Variants in GHR observed in about 807,000 individuals in gnomAD.
GHR encodes growth hormone receptor.
Under a neutral mutation model 67.1 loss-of-function variants are expected in GHR, and 35 were observed. That is an observed-to-expected ratio of 0.52 (90% confidence interval 0.40 to 0.69). GHR has a LOEUF of 0.69. Ranked by LOEUF, GHR falls within the 30% of genes least tolerant of loss-of-function variation. The probability of loss-of-function intolerance (pLI) is 0.00; values close to 1 mark genes in which losing one functional copy is unlikely to be tolerated. For missense variants in GHR, 792 were observed against 764.6 expected, an observed-to-expected ratio of 1.04 and a Z score of -0.42; for synonymous variants, 272 against 269.1, an observed-to-expected ratio of 1.01 and a Z score of -0.10.
intron 3 of GHR, among the ~76,000 whole-genome samples, chr5:42,649,262 A>C (rs1414263069): frequency 6.6e-6 from 1 of 152,228 alleles, no homozygotes; most frequent in Non-Finnish European, 1.5e-5. Flanking sequence ...CAGCTCTAAA[A>C]ATATGCAGTG....
At chr5:42,624,335 C>T (rs1753596848) in intron 2 of GHR, among the ~76,000 whole-genome samples, 2 of 152,156 alleles carry the variant, frequency 1.3e-5, no homozygotes, top group African/African-American at 4.8e-5. Context: ...TCCATTTCTG[C>T]CATCGTGGAA....
chr5:42,467,278 GT>G, intron 1 of GHR: 1 of 1,227,256 alleles, frequency 8.1e-7, no homozygotes, highest in Non-Finnish European at 1.2e-6. Context: ...ACAACTAAAG[GT>G]TTTCCCAAAC....
intron 1 of GHR, among the ~76,000 whole-genome samples, chr5:42,442,597 C>T (rs1165483257): frequency 6.6e-6 from 1 of 152,116 alleles, no homozygotes; most frequent in Non-Finnish European, 1.5e-5. Flanking sequence ...GTTGATTAAA[C>T]AAGACAGAAG....
rs138386131 is a variant in GHR at position 42,583,878 on chromosome 5, G to GATATATATATATATATATAT, written c.70+17953_70+17954insTATATATATATATATATATA. 4.3e-5 allele frequency among the ~76,000 whole-genome samples: 6 copies of GATATATATATATATATATAT among 138,974 alleles called. No individual in the cohort carries two copies. The South Asian group carries it at 1.1e-3, about 26-fold the overall frequency. The allele number at this position is 138,974 out of a possible 152,430, so 91.2% of individuals were successfully genotyped here. A position where few individuals can be genotyped will look rare whatever the true frequency, so the allele number is the denominator to read the frequency against. ...AAAGATATATATATCTTTAAATAAA[G>GATATATATATATATATATAT]ATATATATATATATATATAAATTCT... On this transcript the variant is annotated intron_variant, in intron 2 of 9. Transcript: ENST00000230882.
chr5:42,679,927 CT>C (rs1756773219), intron 3 of GHR, among the ~76,000 whole-genome samples: 1 of 152,194 alleles, frequency 6.6e-6, no homozygotes, highest in African/African-American at 2.4e-5. Context: ...GCAGTAACTT[CT>C]TTCACTCATG....
intron 2 of GHR, among the ~76,000 whole-genome samples, chr5:42,615,089 C>T (rs1195809633): frequency 1.3e-5 from 2 of 151,872 alleles, no homozygotes; most frequent in Non-Finnish European, 2.9e-5. Flanking sequence ...TAGAGAAGTA[C>T]AATAATGTGG....
intron 1 of GHR, among the ~76,000 whole-genome samples, chr5:42,538,917 G>A (rs1330961452): frequency 6.6e-6 from 1 of 152,028 alleles, no homozygotes; most frequent in East Asian, 1.9e-4. Flanking sequence ...TTAATTCAAA[G>A]ACCTTGTCTT....
Position 42,646,421 on chromosome 5 carries a change from G to T in GHR, c.136+17318G>T, listed in dbSNP as rs552364063. 6.5e-4 allele frequency: 280 copies of T among 433,742 alleles called. 4 individuals carry two copies. The highest frequency in any genetic ancestry group is 2.2e-3 in the South Asian group (129 of 58,702). 26.9% of individuals were successfully genotyped at this position (433,742 alleles called of 1,614,324 possible). A position where few individuals can be genotyped will look rare whatever the true frequency, so the allele number is the denominator to read the frequency against. ...TTGGCATGAAAACTAATACGGGTTA[G>T]TGTACATCACCCATAATAAAAGTAA... On this transcript the variant is annotated intron_variant, in intron 3 of 9. Transcript: ENST00000230882.
chr5:42,608,928 GTTGT>G (rs1437007509), intron 2 of GHR, among the ~76,000 whole-genome samples: 1 of 152,002 alleles, frequency 6.6e-6, no homozygotes. Flanking sequence ...TAGCTCTTGA[GTTGT>G]TTATTTTAAC....
At chr5:42,527,752 A>G (rs1473203487) in intron 1 of GHR, among the ~76,000 whole-genome samples, 1 of 152,172 alleles carries the variant, frequency 6.6e-6, no homozygotes, top group Non-Finnish European at 1.5e-5. Flanking sequence ...AACAAAATAT[A>G]CATTCTTCTC....
At chr5:42,500,207 A>G (rs1746483282) in intron 1 of GHR, among the ~76,000 whole-genome samples, 1 of 152,232 alleles carries the variant, frequency 6.6e-6, no homozygotes, top group African/African-American at 2.4e-5. Flanking sequence ...ACTTTGTGCC[A>G]GACACAAGCT....
chr5:42,664,380 T>C (rs2112877151), intron 3 of GHR, among the ~76,000 whole-genome samples: 1 of 152,336 alleles, frequency 6.6e-6, no homozygotes, highest in East Asian at 1.9e-4. Context: ...AGCATGGTAC[T>C]GGTACCAAAG....
In GHR at chr5:42,458,214, C is replaced by A. The variant is rs892148188; in HGVS notation, c.-12+34259C>A. On this transcript the variant is annotated intron_variant, in intron 1 of 9. Coordinates refer to ENST00000230882, the MANE Select transcript of GHR (RefSeq NM_000163.5). ...ACTGAGGCTGAAAGTTGATTTCATT[C>A]TCTCACTTCAAATCATACTACAAGG... 1.6e-4 allele frequency among the ~76,000 whole-genome samples: 25 copies of A among 151,984 alleles called. No homozygotes were observed. In the East Asian group the frequency reaches 2.3e-3, roughly 14 times the overall value.
chr5:42,705,801 A>G (rs1052931286), intron 6 of GHR, among the ~76,000 whole-genome samples: 21 of 151,838 alleles, frequency 1.4e-4, no homozygotes, highest in African/African-American at 5.1e-4. Flanking sequence ...TATCCAGTGT[A>G]CCATTTTCTT....
chr5:42,673,533 C>T lies in GHR; in HGVS notation c.137-15357C>T, dbSNP rs141869931. 3.5e-3 allele frequency among the ~76,000 whole-genome samples: 526 copies of T among 152,226 alleles called. 3 individuals carry two copies. The highest frequency in any genetic ancestry group is 0.012 in the African/African-American group (499 of 41,546). ...ACATGGAATCAACCTAGGTGCCCAA[C>T]AAAGGTGGATTGGATTAAAAAATGT... On this transcript the variant is annotated intron_variant, in intron 3 of 9. Coordinates refer to ENST00000230882, the MANE Select transcript of GHR (RefSeq NM_000163.5).
At chr5:42,465,376 G>T (rs554918160) in intron 1 of GHR, 3 of 1,047,650 alleles carry the variant, frequency 2.9e-6, no homozygotes, top group Non-Finnish European at 4.5e-6. Context: ...TAGGTTAAGG[G>T]TATAAAGGGA....
chr5:42,464,931 G>A (rs564994306), intron 1 of GHR, among the ~76,000 whole-genome samples: 2 of 152,160 alleles, frequency 1.3e-5, no homozygotes, highest in South Asian at 4.1e-4. Flanking sequence ...TGGTGCACTG[G>A]AATATATTTA....
chr5:42,713,098 A>C (rs1480224730), intron 7 of GHR, among the ~76,000 whole-genome samples: 1 of 152,062 alleles, frequency 6.6e-6, no homozygotes, highest in African/African-American at 2.4e-5. Flanking sequence ...TTTTTTACTG[A>C]AGCTGAAACC....
chr5:42,456,618 C>T (rs1744273768), intron 1 of GHR, among the ~76,000 whole-genome samples: 5 of 152,150 alleles, frequency 3.3e-5, no homozygotes, highest in Admixed American at 2.0e-4. Flanking sequence ...ACAAAGTAAA[C>T]GAGTCTCCGT....
Sources: gnomAD v4.1 joint callset for allele counts (sites outside exome capture counted in the v4.1 genomes callset) on GRCh38, gnomAD v4.1.1 for gene constraint, MANE v1.5 for transcripts, NCBI Gene and HGNC (gene_info 2026-07-23, HGNC 2026-07-21) for gene names.